The following SYTL2 variants were observed in gnomAD, a reference collection of about 807,000 sequenced individuals.
The protein encoded by SYTL2 is synaptotagmin-like protein 2.
In SYTL2, 165 loss-of-function variants were observed where a neutral mutation model predicts 198.7. The observed-to-expected ratio is 0.83, with a 90% confidence interval of 0.73 to 0.94. SYTL2 has a LOEUF of 0.94. Among genes scored for constraint, SYTL2 ranks in the 40% least tolerant of loss-of-function variants. The pLI, the probability that SYTL2 is intolerant of heterozygous loss-of-function variation, is 0.00. For synonymous variants in SYTL2, 966 were observed against 917.7 expected (o/e 1.05, Z -0.95); for missense variants, 2,835 against 2,582.8 (o/e 1.10, Z -2.12).
intron 4 of SYTL2, among the ~76,000 whole-genome samples, chr11:85,738,700 A>C (rs1166707789): frequency 6.6e-6 from 1 of 152,242 alleles, no homozygotes; most frequent in Non-Finnish European, 1.5e-5. Flanking sequence ...GATATGAGGA[A>C]CAACATCCCT....
intron 9 of SYTL2, chr11:85,719,428 T>A: frequency 4.7e-6 from 3 of 639,162 alleles, no homozygotes; most frequent in Non-Finnish European, 6.0e-6. Context: ...CATTCCTGAG[T>A]ACTTTAAAGC....
intron 1 of SYTL2, among the ~76,000 whole-genome samples, chr11:85,765,280 A>C (rs34561780): frequency 6.6e-6 from 1 of 152,216 alleles, no homozygotes; most frequent in Non-Finnish European, 1.5e-5. Flanking sequence ...CCTGTCACCC[A>C]CGCTGGAGTG....
chr11:85,760,320 G>A (rs1212888700), intron 1 of SYTL2, among the ~76,000 whole-genome samples: 2 of 152,148 alleles, frequency 1.3e-5, no homozygotes, highest in African/African-American at 2.4e-5. Context: ...CGATACTCCC[G>A]CAGCAGGAAC....
the SYTL2 span, among the ~76,000 whole-genome samples, chr11:85,838,862 C>G: frequency 6.6e-6 from 1 of 152,094 alleles, no homozygotes; most frequent in Non-Finnish European, 1.5e-5. Context: ...CTCATGAAAC[C>G]AACAGCACAA....
At chr11:85,704,381 T>C (rs560704232) in intron 16 of SYTL2, among the ~76,000 whole-genome samples, 1 of 152,122 alleles carries the variant, frequency 6.6e-6, no homozygotes, top group Non-Finnish European at 1.5e-5. Flanking sequence ...TCAAATATAG[T>C]GAATCAAAAA....
chr11:85,844,870 G>A, the SYTL2 span, among the ~76,000 whole-genome samples: 1 of 152,126 alleles, frequency 6.6e-6, no homozygotes, highest in Admixed American at 6.5e-5. Context: ...GTATGGCTCA[G>A]AGGACCCGCC....
chr11:85,707,797 G>C (rs1207009089), intron 14 of SYTL2, among the ~76,000 whole-genome samples: 1 of 151,750 alleles, frequency 6.6e-6, no homozygotes, highest in African/African-American at 2.4e-5. Flanking sequence ...CTAATATGCA[G>C]GGGTGGAAAG....
At chr11:85,772,296 T>C (rs149325527) in intron 1 of SYTL2, among the ~76,000 whole-genome samples, 87 of 152,370 alleles carry the variant, frequency 5.7e-4, no homozygotes, top group Middle Eastern at 6.8e-3. Context: ...AGAATGCTTT[T>C]ACTTCGCCTA....
intron 1 of SYTL2, among the ~76,000 whole-genome samples, chr11:85,792,680 A>G (rs1242999909): frequency 2.6e-5 from 4 of 151,686 alleles, no homozygotes; most frequent in African/African-American, 9.7e-5. Flanking sequence ...CACAATGTGC[A>G]GGTTAGTTAC....
At chr11:85,711,897 A>G (rs998251259) in intron 12 of SYTL2, among the ~76,000 whole-genome samples, 3 of 152,236 alleles carry the variant, frequency 2.0e-5, no homozygotes, top group Admixed American at 6.5e-5. Context: ...CATTTTTTAA[A>G]AAGAAGTAAA....
chr11:85,776,492 G>T (rs544685468), intron 1 of SYTL2, among the ~76,000 whole-genome samples: 1 of 152,128 alleles, frequency 6.6e-6, no homozygotes, highest in African/African-American at 2.4e-5. Context: ...GAGTGAGAAC[G>T]TGTGGTGTTT....
At chr11:85,736,238 A>G (rs183794176) in intron 6 of SYTL2, among the ~76,000 whole-genome samples, 43 of 152,302 alleles carry the variant, frequency 2.8e-4, no homozygotes, top group Non-Finnish European at 5.1e-4. Flanking sequence ...AAATCTCCCA[A>G]TTTACTGATG....
the SYTL2 span, among the ~76,000 whole-genome samples, chr11:85,834,972 C>G: frequency 6.6e-6 from 1 of 152,018 alleles, no homozygotes; most frequent in Middle Eastern, 3.2e-3. Context: ...GCTGACCAGG[C>G]TGGTCTTCAA....
chr11:85,729,304 A>G (rs1392281291), intron 7 of SYTL2, among the ~76,000 whole-genome samples: 1 of 152,216 alleles, frequency 6.6e-6, no homozygotes, highest in Non-Finnish European at 1.5e-5. Context: ...TCAGCACCAC[A>G]TCGCACTTAT....
chr11:85,809,455 C>T (rs942308428), intron 1 of SYTL2, among the ~76,000 whole-genome samples: 4 of 152,184 alleles, frequency 2.6e-5, no homozygotes, highest in Admixed American at 6.6e-5. Flanking sequence ...TTGCATAGTG[C>T]CTGACACCTG....
At chr11:85,853,334 T>G in the SYTL2 span, 1 of 446,160 alleles carries the variant, frequency 2.2e-6, no homozygotes, top group South Asian at 1.6e-5. Context: ...TCTTCTGCCT[T>G]GGGATGCTGT....
At chr11:85,778,582 C>T (rs767345238) in intron 1 of SYTL2, among the ~76,000 whole-genome samples, 2 of 152,246 alleles carry the variant, frequency 1.3e-5, no homozygotes, top group Non-Finnish European at 2.9e-5. Context: ...GACCTGTAGA[C>T]ATGCACCACT....
intron 2 of SYTL2, among the ~76,000 whole-genome samples, chr11:85,752,423 A>C (rs1591901647): frequency 1.3e-5 from 2 of 151,900 alleles, no homozygotes. Flanking sequence ...AGCCAGTCTG[A>C]CTCCCAGCCA....
At chr11:85,752,908 T>C (rs2091602868) in intron 2 of SYTL2, among the ~76,000 whole-genome samples, 2 of 99,014 alleles carry the variant, frequency 2.0e-5, no homozygotes, top group Non-Finnish European at 3.7e-5. Flanking sequence ...CAATGACAAC[T>C]GCCTTCATTA....
Sources: gnomAD v4.1 joint callset for allele counts (sites outside exome capture counted in the v4.1 genomes callset) on GRCh38, gnomAD v4.1.1 for gene constraint, MANE v1.5 for transcripts, NCBI Gene and HGNC (gene_info 2026-07-23, HGNC 2026-07-21) for gene names.